The following CCDC83 variants were observed in gnomAD, a reference collection of about 807,000 sequenced individuals.
The protein encoded by CCDC83 is coiled-coil domain-containing protein 83.
In CCDC83, 54 loss-of-function variants were observed where a neutral mutation model predicts 50.1. The ratio of observed to expected loss-of-function variants is 1.08; its 90% CI spans 0.87 to 1.35. CCDC83 has a LOEUF of 1.35. Among genes scored for constraint, CCDC83 ranks in the 40% most tolerant of loss-of-function variants. CCDC83 has a pLI of 0.00. For missense variants in CCDC83, 518 were observed against 473.9 expected, an observed-to-expected ratio of 1.09 and a Z score of -0.86; for synonymous variants, 161 against 153.3, an observed-to-expected ratio of 1.05 and a Z score of -0.37.
At chr11:85,875,809 G>A (rs188754900) in intron 3 of CCDC83, among the ~76,000 whole-genome samples, 1 of 152,192 alleles carries the variant, frequency 6.6e-6, no homozygotes, top group Admixed American at 6.5e-5. Flanking sequence ...CTCTTCCTAT[G>A]TATATTTAGT....
intron 10 of CCDC83, among the ~76,000 whole-genome samples, chr11:85,917,129 A>AG (rs1245157778): frequency 3.1e-4 from 27 of 86,174 alleles, no homozygotes; most frequent in African/African-American, 1.4e-3. Flanking sequence ...GAAAAAAGAA[A>AG]AAGAAAGAGA....
chr11:85,909,338 T>C (rs1332544054), intron 7 of CCDC83, among the ~76,000 whole-genome samples: 2 of 152,224 alleles, frequency 1.3e-5, no homozygotes, highest in Non-Finnish European at 2.9e-5. Flanking sequence ...GTGCCTTTTT[T>C]CTTTCATCAT....
Position 85,882,625 on chromosome 11 carries a change from C to T in CCDC83, c.293C>T (p.Ala98Val), listed in dbSNP as rs773340808. 22 of 1,613,304 alleles carry T rather than the reference C, an allele frequency of 1.4e-5. No homozygotes were observed. In the African/African-American group the frequency reaches 1.9e-4, roughly 14 times the overall value. Reference sequence around the variant, plus strand: ...GTAACAAGAGAGGATGTTGAAGAAGCGATGAAGGAAAAATGGAAGTTTGAA... The same window carrying T: ...GTAACAAGAGAGGATGTTGAAGAAGTGATGAAGGAAAAATGGAAGTTTGAA... ...PVVTREDVEE[A>V]MKEKWKFERD... The change falls in exon 4 of 11, where the codon GCG (alanine) becomes GTG (valine). Residue 98 changes from alanine to valine, a missense_variant. By Grantham distance (64) the Ala-to-Val change is moderately conservative. Transcript: ENST00000342404.
intron 2 of CCDC83, among the ~76,000 whole-genome samples, chr11:85,869,447 GA>G (rs201949869): frequency 0.019 from 2,960 of 152,092 alleles, 106 homozygotes; most frequent in African/African-American, 0.066. Flanking sequence ...TAGGTTTAAA[GA>G]AAAAAACACA....
At chr11:85,875,022 G>C (rs958663331) in intron 3 of CCDC83, among the ~76,000 whole-genome samples, 3 of 152,162 alleles carry the variant, frequency 2.0e-5, no homozygotes, top group Non-Finnish European at 4.4e-5. Flanking sequence ...TGAGCAAGGC[G>C]GGAAGTTTTA....
At chr11:85,909,798 G>A (rs1012335129) in intron 7 of CCDC83, among the ~76,000 whole-genome samples, 1 of 151,408 alleles carries the variant, frequency 6.6e-6, no homozygotes, top group African/African-American at 2.4e-5. Context: ...ACAGAACCAG[G>A]ACATTTTTTC....
intron 3 of CCDC83, among the ~76,000 whole-genome samples, chr11:85,879,033 C>T (rs1045929792): frequency 2.0e-5 from 3 of 152,034 alleles, no homozygotes; most frequent in African/African-American, 7.3e-5. Context: ...TAAAACTAGT[C>T]CTTTCTTGGA....
chr11:85,915,191 A>C (rs533095053), intron 8 of CCDC83, among the ~76,000 whole-genome samples: 5 of 152,284 alleles, frequency 3.3e-5, no homozygotes, highest in Admixed American at 2.6e-4. Context: ...TTCTTTCTGC[A>C]TCCCATTATT....
At chr11:85,876,320 CA>C (rs893115185) in intron 3 of CCDC83, among the ~76,000 whole-genome samples, 5 of 151,384 alleles carry the variant, frequency 3.3e-5, no homozygotes, top group Admixed American at 6.6e-5. Flanking sequence ...TATTGTACAC[CA>C]AAAAAAATGA....
intron 5 of CCDC83, 35 bp from the exon 6 acceptor site, chr11:85,895,258 A>C: frequency 2.0e-6 from 2 of 985,176 alleles, no homozygotes; most frequent in Non-Finnish European, 2.9e-6. Context: ...TAAGGCTTTT[A>C]ATTTTCTTTT....
At chr11:85,887,215 C>T (rs759857101) in intron 5 of CCDC83, among the ~76,000 whole-genome samples, 10 of 152,174 alleles carry the variant, frequency 6.6e-5, no homozygotes, top group Non-Finnish European at 1.2e-4. Context: ...GATCTGGACA[C>T]GATGAGGGCC....
At chr11:85,899,396 G>T (rs2093390442) in intron 7 of CCDC83, among the ~76,000 whole-genome samples, 4 of 152,136 alleles carry the variant, frequency 2.6e-5, no homozygotes, top group Admixed American at 2.6e-4. Context: ...GTTCTCCTTT[G>T]GTCTGTACCA....
chr11:85,859,388 G>A (rs2093162127), intron 1 of CCDC83, among the ~76,000 whole-genome samples: 1 of 152,070 alleles, frequency 6.6e-6, no homozygotes, highest in Non-Finnish European at 1.5e-5. Flanking sequence ...TAAGAGCAAA[G>A]CCAGGGGAAT....
At chr11:85,869,157 A>T (rs1414468281) in intron 2 of CCDC83, among the ~76,000 whole-genome samples, 1 of 152,256 alleles carries the variant, frequency 6.6e-6, no homozygotes, top group Non-Finnish European at 1.5e-5. Flanking sequence ...CCCACTGGTG[A>T]GTATAAATTG....
intron 2 of CCDC83, among the ~76,000 whole-genome samples, chr11:85,872,528 T>C (rs112656156): frequency 0.017 from 2,658 of 152,152 alleles, 67 homozygotes; most frequent in African/African-American, 0.059. Flanking sequence ...CAGATCCACC[T>C]GCCACGGCCT....
chr11:85,882,537 A>G lies in CCDC83; in HGVS notation c.205A>G (p.Ile69Val), dbSNP rs2093306153. Reference sequence around the variant, plus strand: ...GAATAGCCGCTTAAAAGAAGAACAGATTTGGCACATACGGCATCTACTAAA... The same window carrying G: ...GAATAGCCGCTTAAAAGAAGAACAGGTTTGGCACATACGGCATCTACTAAA... The part of the protein sequence containing the change: ...ERNSRLKEEQ[I>V]WHIRHLLKEL... Residue 69 changes from isoleucine (I) to valine (V), a missense_variant, in exon 4 of 11, where the codon ATT becomes GTT. Ile to Val is a conservative substitution (Grantham distance 29). Coordinates refer to ENST00000342404, the MANE Select transcript of CCDC83 (RefSeq NM_001286159.2). The G allele has an allele frequency of 6.2e-7, 1 of 1,613,902 alleles. No individual in the cohort carries two copies. Among genetic ancestry groups the G allele is most frequent in the Non-Finnish European group, 8.5e-7 (1 of 1,179,876 alleles).
rs201256384 is a variant in CCDC83 at position 85,916,264 on chromosome 11, C to T, written c.1080+31C>T. The T allele has an allele frequency of 2.2e-3, 3,170 of 1,416,200 alleles. 11 individuals are homozygous for T. Among genetic ancestry groups the T allele is most frequent in the Non-Finnish European group, 2.9e-3 (2,909 of 1,015,346 alleles). 87.7% of individuals were successfully genotyped at this position (1,416,200 alleles called of 1,614,324 possible). On this transcript the variant is annotated intron_variant, in intron 10 of 10. Coordinates refer to ENST00000342404, the MANE Select transcript of CCDC83 (RefSeq NM_001286159.2). ...ATTCATAACAACACAACTTTGACTA[C>T]TAAGAAAATGCTGTTTTGAGAAATG...
intron 2 of CCDC83, 53 bp downstream of exon 2, chr11:85,865,271 G>T: frequency 9.1e-7 from 1 of 1,096,464 alleles, no homozygotes; most frequent in East Asian, 2.4e-5. Context: ...GGCAGTCATT[G>T]TTAAGACTCA....
intron 1 of CCDC83, among the ~76,000 whole-genome samples, chr11:85,863,459 T>C (rs2093189268): frequency 6.6e-6 from 1 of 152,226 alleles, no homozygotes; most frequent in South Asian, 2.1e-4. Flanking sequence ...ATGTATTAGA[T>C]CTTTTTGTTG....
Sources: allele counts gnomAD v4.1 joint callset (sites outside exome capture counted in the v4.1 genomes callset), GRCh38; gene constraint gnomAD v4.1.1; transcripts MANE v1.5; gene names NCBI Gene and HGNC (gene_info 2026-07-23, HGNC 2026-07-21).